Variants in ZBTB7B observed in about 807,000 individuals in gnomAD.
The protein encoded by ZBTB7B is zinc finger and BTB domain-containing protein 7B.
ZBTB7B carries 8 observed loss-of-function variants against 31.0 expected under a neutral mutation model. That is an observed-to-expected ratio of 0.26 (90% CI 0.15 to 0.47). ZBTB7B has a LOEUF of 0.47. ZBTB7B is among the 20% of genes least tolerant of loss of function. The pLI, the probability that ZBTB7B is intolerant of heterozygous loss-of-function variation, is 0.99. For missense variants in ZBTB7B, 494 were observed against 742.4 expected (o/e 0.67, Z 3.89); for synonymous variants, 261 against 307.3 (o/e 0.85, Z 1.58).
In ZBTB7B at chr1:155,014,915, G is replaced by A. The variant is rs144677661; in HGVS notation, c.255G>A (p.Gly85=). Reference sequence around the variant, plus strand: ...GCGGGACGGCCACTGGGGGAGCAGGGGCCGGTGTGTGTGAGCTGGACTTTG... The same window carrying A: ...GCGGGACGGCCACTGGGGGAGCAGGAGCCGGTGTGTGTGAGCTGGACTTTG... ...GGSGTATGGA[G]AGVCELDFVG... The change falls in exon 2 of 3, where the codon GGG becomes GGA. Residue 85 remains glycine, a synonymous_variant. Coordinates refer to ENST00000535420, the MANE Select transcript of ZBTB7B (RefSeq NM_001256455.2). The A allele has an allele frequency of 5.2e-4, 841 of 1,613,940 alleles. 1 individual carries two copies. The highest frequency in any genetic ancestry group is 4.1e-4 in the Non-Finnish European group (485 of 1,179,992).
chr1:155,015,924 G>A, intron 2 of ZBTB7B, 110 bp downstream of exon 2: 4 of 1,374,486 alleles, frequency 2.9e-6, no homozygotes, highest in Non-Finnish European at 4.0e-6. Flanking sequence ...GGTCCTGGAG[G>A]GACTGGGGCA....
rs372384734 is a variant in ZBTB7B at position 155,016,418 on chromosome 1, C to T, written c.1353C>T (p.Gly451=). 6 of 1,614,040 alleles carry T rather than the reference C, an allele frequency of 3.7e-6. No individual in the cohort carries two copies. In the African/African-American group the frequency reaches 5.3e-5, roughly 14 times the overall value. ...ACCACCTGCAGCGCCACCTCAAAGG[C>T]CAGAACTGCCTGGAGGTGCGCACCC... The part of the protein sequence containing the change: ...KEDHLQRHLK[G]QNCLEVRTRR... Residue 451 remains glycine (G), a synonymous_variant, in exon 3 of 3, where the codon GGC becomes GGT. Transcript: ENST00000535420. The surrounding 1 kb of genome is among the most constrained non-coding windows in gnomAD (Gnocchi z 4.3).
rs1414234941 is a variant in ZBTB7B at position 155,016,046 on chromosome 1, A to G, written c.1155-174A>G. Among the ~76,000 whole-genome samples the G allele has an allele frequency of 6.6e-6, 1 of 152,138 alleles. No homozygotes were observed. The stretch of plus-strand genomic sequence containing the variant: ...GGCAGTGCTGGAAGCAGAGGAGTGG[A>G]TAATGACAAGGCCTAGTTAAGCTAG... On this transcript the variant is annotated intron_variant, in intron 2 of 2. Transcript: ENST00000535420. The surrounding 1 kb of genome is among the most constrained non-coding windows in gnomAD (Gnocchi z 4.3).
upstream of ZBTB7B, chr1:155,002,729 A>G (rs2102263945): frequency 8.5e-6 from 1 of 117,784 alleles, no homozygotes; most frequent in African/African-American, 3.4e-5. Flanking sequence ...AGCCAGGTGA[A>G]TGTACGGCTC....
chr1:155,001,776 T>A (rs1203563343), upstream of ZBTB7B, among the ~76,000 whole-genome samples: 1 of 148,882 alleles, frequency 6.7e-6, no homozygotes, highest in Non-Finnish European at 1.5e-5. This position sits in a 1 kb window ranked among gnomAD's most constrained non-coding sequence, Gnocchi z 4.8. Flanking sequence ...TGGGGCGCCC[T>A]TCCCTCCCCG....
intron 1 of ZBTB7B, among the ~76,000 whole-genome samples, chr1:155,005,908 C>T (rs1658532266): frequency 6.6e-6 from 1 of 152,168 alleles, no homozygotes; most frequent in Non-Finnish European, 1.5e-5. Context: ...GCCCGGGGGA[C>T]TGGGAGGAAG....
rs1195379330 is a variant in ZBTB7B, at chr1:155,015,809, C to T, written c.1149C>T (p.Phe383=). 1 of 1,608,060 alleles carries T rather than the reference C, an allele frequency of 6.2e-7. No homozygotes were observed. ...CCTGCGAGGTCTGCGGTGTTCGATT[C>T]ACCAGGTGAGCAGCAAGGGGGGAAG... ...PFACEVCGVR[F]TRNDKLKIHM... The change falls in exon 2 of 3, where the codon TTC becomes TTT. Residue 383 remains phenylalanine, a synonymous_variant. Coordinates refer to ENST00000535420, the MANE Select transcript of ZBTB7B (RefSeq NM_001256455.2).
chr1:155,012,030 C>T (rs189408630), intron 1 of ZBTB7B, among the ~76,000 whole-genome samples: 1 of 152,318 alleles, frequency 6.6e-6, no homozygotes, highest in East Asian at 1.9e-4. Context: ...CCACACATGT[C>T]CTCTGCCTCT....
intron 1 of ZBTB7B, chr1:155,010,820 G>A: frequency 9.9e-7 from 1 of 1,009,138 alleles, no homozygotes; most frequent in Non-Finnish European, 1.5e-6. Context: ...TGGGGGGGTG[G>A]AGGGAGAAAG....
At position 155,015,133 on chromosome 1, in the gene ZBTB7B, G is replaced by A. The variant is rs1659262238; in HGVS notation, c.473G>A (p.Arg158Gln). The A allele has an allele frequency of 2.5e-6, 4 of 1,613,404 alleles. No individual in the cohort carries two copies. Among genetic ancestry groups the A allele is most frequent in the South Asian group, 2.2e-5 (2 of 91,090 alleles). The change falls in exon 2 of 3, where the codon CGA becomes CAA. Residue 158 changes from arginine (R) to glutamine (Q), a missense_variant. Physicochemically the swap from Arg to Gln is conservative, Grantham distance 43. This residue lies in a region of ZBTB7B where 90 missense variants were observed against 143.2 expected (regional missense o/e 0.63). Transcript: ENST00000535420. ...APSPDEDDCE[R>Q]ARQYLEAFAT... ...AGCCCGGACGAGGATGACTGTGAGC[G>A]AGCCCGCCAGTATCTGGAGGCCTTT...
intron 2 of ZBTB7B, 146 bp downstream of exon 2, chr1:155,015,960 G>A: frequency 8.9e-7 from 1 of 1,124,498 alleles, no homozygotes; most frequent in Non-Finnish European, 1.2e-6. Flanking sequence ...AGTGAGGAGA[G>A]CAGAAGAAAA....
chr1:155,016,309 A>G lies in ZBTB7B; in HGVS notation c.1244A>G (p.Tyr415Cys). ...TGCCCAGCCCGCTTCCTGCACAGCTACGACCTCAAGAACCACATGCACCTG... is the reference window on the plus strand; with the variant it reads ...TGCCCAGCCCGCTTCCTGCACAGCTGCGACCTCAAGAACCACATGCACCTG... Reference protein sequence around the residue: ...PHCPARFLHSYDLKNHMHLHT... With the variant: ...PHCPARFLHSCDLKNHMHLHT... The change falls in exon 3 of 3, where the codon TAC becomes TGC. Residue 415 changes from tyrosine to cysteine, a missense_variant. By Grantham distance (194) the Tyr-to-Cys change is radical. Transcript: ENST00000535420. This position sits in a 1 kb window ranked among gnomAD's most constrained non-coding sequence, Gnocchi z 4.3. 1 of 1,613,998 alleles carries G rather than the reference A, an allele frequency of 6.2e-7. No individual in the cohort carries two copies. The highest frequency in any genetic ancestry group is 8.5e-7 in the Non-Finnish European group (1 of 1,179,978).
At chr1:155,012,252 C>T (rs1378489145) in intron 1 of ZBTB7B, among the ~76,000 whole-genome samples, 3 of 141,160 alleles carry the variant, frequency 2.1e-5, no homozygotes, top group East Asian at 2.5e-4. Flanking sequence ...GGTTTAGCAG[C>T]GGGAATGGGT....
rs1659492277 is a variant in ZBTB7B at position 155,017,261 on chromosome 1, C to T, written c.*576C>T. ...ACTGGGCCTGTAAGGAAGGAGCCAT[C>T]CCAGTCCCCCTCCGCCCTGCTCCCG... On this transcript the variant is annotated 3_prime_UTR_variant, in exon 3 of 3. Transcript: ENST00000535420. 1 of 149,988 alleles carries T rather than the reference C, an allele frequency of 6.7e-6. No individual in the cohort carries two copies. The highest frequency in any genetic ancestry group is 6.6e-5 in the Admixed American group (1 of 15,186). The allele number at this position is 149,988 out of a possible 1,614,324, so 9.3% of individuals were successfully genotyped here. A position where few individuals can be genotyped will look rare whatever the true frequency, so the allele number is the denominator to read the frequency against.
At chr1:155,014,543 AGG>A in intron 1 of ZBTB7B, 110 bp from the exon 2 acceptor site, 3 of 900,052 alleles carry the variant, frequency 3.3e-6, no homozygotes, top group Non-Finnish European at 5.1e-6. Flanking sequence ...AGTACTCAGA[AGG>A]GTGACTGGCA....
In ZBTB7B at chr1:155,017,090, G is replaced by A; in HGVS notation, c.*405G>A. The A allele has an allele frequency of 5.7e-6, 1 of 173,972 alleles. No individual in the cohort carries two copies. Among genetic ancestry groups the A allele is most frequent in the African/African-American group, 2.4e-5 (1 of 42,366 alleles). 10.8% of individuals were successfully genotyped at this position (173,972 alleles called of 1,614,324 possible). A position where few individuals can be genotyped will look rare whatever the true frequency, so the allele number is the denominator to read the frequency against. On this transcript the variant is annotated 3_prime_UTR_variant, in exon 3 of 3. Transcript: ENST00000535420. ...TATGCCCCTTGGGGGTTTTGGCTGT[G>A]TAAGGGGGTGAAGGACTGCCCCTCC...
chr1:155,012,476 G>C (rs1164485183), intron 1 of ZBTB7B, among the ~76,000 whole-genome samples: 1 of 152,052 alleles, frequency 6.6e-6, no homozygotes, highest in Non-Finnish European at 1.5e-5. Flanking sequence ...CCTGGTTTTT[G>C]TTTGTTCCCA....
upstream of ZBTB7B, among the ~76,000 whole-genome samples, chr1:155,001,855 A>G (rs1191055698): frequency 6.6e-6 from 1 of 151,642 alleles, no homozygotes; most frequent in African/African-American, 2.4e-5. The surrounding 1 kb of genome is among the most constrained non-coding windows in gnomAD (Gnocchi z 4.8). Flanking sequence ...TCCCTCCGAG[A>G]GGGGGTGGGG....
Position 155,018,470 on chromosome 1 carries a change from C to T in ZBTB7B, c.*1785C>T, listed in dbSNP as rs1239441391. ...TCCTATTCCCTTCCCCCCACCCCAA[C>T]TCCCCCACCTCGGGTGTAAGCGACA... On this transcript the variant is annotated 3_prime_UTR_variant, in exon 3 of 3. Transcript: ENST00000535420. The T allele has an allele frequency of 7.2e-7, 1 of 1,387,432 alleles. No homozygotes were observed. The highest frequency in any genetic ancestry group is 9.8e-7 in the Non-Finnish European group (1 of 1,015,490). 85.9% of individuals were successfully genotyped at this position (1,387,432 alleles called of 1,614,324 possible).
Sources: allele counts gnomAD v4.1 joint callset (sites outside exome capture counted in the v4.1 genomes callset), GRCh38; gene constraint gnomAD v4.1.1; regional missense constraint gnomAD v4.1.1; non-coding constraint Gnocchi (gnomAD v3.1); transcripts MANE v1.5; gene names NCBI Gene and HGNC (gene_info 2026-07-23, HGNC 2026-07-21).